Variants in C4orf51 observed in about 807,000 individuals in gnomAD.
C4orf51 encodes chromosome 4 open reading frame 51, also known as uncharacterized protein C4orf51.
C4orf51 carries 25 observed loss-of-function variants against 25.2 expected under a neutral mutation model. The observed-to-expected ratio is 0.99, with a 90% CI of 0.72 to 1.39. The LOEUF is 1.39. Ranked by LOEUF, C4orf51 falls within the 40% of genes most tolerant of loss-of-function variation. The pLI, the probability that C4orf51 is intolerant of heterozygous loss-of-function variation, is 0.00. For missense variants in C4orf51, 252 were observed against 239.6 expected, an observed-to-expected ratio of 1.05 and a Z score of -0.34; for synonymous variants, 100 against 84.5, an observed-to-expected ratio of 1.18 and a Z score of -1.01.
downstream of C4orf51, among the ~76,000 whole-genome samples, chr4:145,733,537 C>T (rs751577375): frequency 2.0e-5 from 3 of 152,336 alleles, no homozygotes; most frequent in South Asian, 2.1e-4. Flanking sequence ...TCCCCAGCCC[C>T]GCTCTCTGCT....
At chr4:145,681,738 G>C (rs1001583661) in intron 1 of C4orf51, among the ~76,000 whole-genome samples, 5 of 152,174 alleles carry the variant, frequency 3.3e-5, no homozygotes, top group Non-Finnish European at 7.4e-5. Context: ...TTATGATAGA[G>C]AGAGATACCA....
At chr4:145,786,109 T>G in the C4orf51 span, among the ~76,000 whole-genome samples, 3 of 152,210 alleles carry the variant, frequency 2.0e-5, no homozygotes, top group Non-Finnish European at 4.4e-5. Flanking sequence ...GGGGAGCATT[T>G]TTGGTAAAAT....
intron 2 of C4orf51, among the ~76,000 whole-genome samples, chr4:145,722,011 C>T (rs1037668931): frequency 2.0e-5 from 3 of 151,980 alleles, no homozygotes; most frequent in Admixed American, 6.6e-5. Flanking sequence ...TGGTTTTAGC[C>T]GTTTACAAAA....
At chr4:145,689,561 T>G (rs1373898804) in intron 1 of C4orf51, among the ~76,000 whole-genome samples, 1 of 152,002 alleles carries the variant, frequency 6.6e-6, no homozygotes, top group Non-Finnish European at 1.5e-5. Flanking sequence ...ATACCAAAGG[T>G]GCTCAACCAC....
chr4:145,738,765 G>A (rs1047706634), intron 1 of C4orf51, among the ~76,000 whole-genome samples: 56 of 151,926 alleles, frequency 3.7e-4, no homozygotes, highest in African/African-American at 1.3e-3. Flanking sequence ...TCAGCCTCCC[G>A]AGTAGCTGGA....
chr4:145,749,565 G>A (rs1579033406), intron 1 of C4orf51, among the ~76,000 whole-genome samples: 2 of 151,524 alleles, frequency 1.3e-5, no homozygotes, highest in African/African-American at 2.4e-5. Flanking sequence ...TTTATTTTTT[G>A]TGTATCTGTT....
At chr4:145,700,918 C>G (rs909814845) in intron 2 of C4orf51, among the ~76,000 whole-genome samples, 7 of 152,156 alleles carry the variant, frequency 4.6e-5, no homozygotes, top group African/African-American at 1.7e-4. Context: ...CCCTCCCCCA[C>G]CTGCCCAGCA....
intron 2 of C4orf51, among the ~76,000 whole-genome samples, chr4:145,699,662 C>T (rs1730300305): frequency 6.6e-6 from 1 of 152,236 alleles, no homozygotes; most frequent in African/African-American, 2.4e-5. Flanking sequence ...CTCTGATTAT[C>T]TACCCACGTT....
intron 2 of C4orf51, among the ~76,000 whole-genome samples, chr4:145,708,978 T>G (rs1394581705): frequency 6.6e-6 from 1 of 152,216 alleles, no homozygotes; most frequent in African/African-American, 2.4e-5. Context: ...TGATGCATGT[T>G]GAGAAGGGCA....
chr4:145,728,643 A>G (rs1261512398), intron 3 of C4orf51, among the ~76,000 whole-genome samples: 1 of 152,230 alleles, frequency 6.6e-6, no homozygotes, highest in African/African-American at 2.4e-5. Flanking sequence ...GACACTTAAT[A>G]TATGAACTCA....
At chr4:145,736,923 T>A (rs1732834468), downstream of C4orf51, among the ~76,000 whole-genome samples, 1 of 152,158 alleles carries the variant, frequency 6.6e-6, no homozygotes, top group Non-Finnish European at 1.5e-5. Flanking sequence ...GGCAGAATAG[T>A]GGCCTCCCTG....
intron 1 of C4orf51, among the ~76,000 whole-genome samples, chr4:145,749,388 C>T (rs1245090168): frequency 6.6e-6 from 1 of 151,930 alleles, no homozygotes; most frequent in Non-Finnish European, 1.5e-5. Context: ...AATCGGAAAG[C>T]TTAGTCCATT....
chr4:145,691,673 T>C (rs1032705959), intron 1 of C4orf51, among the ~76,000 whole-genome samples: 2 of 152,184 alleles, frequency 1.3e-5, no homozygotes, highest in African/African-American at 4.8e-5. Flanking sequence ...AGTGAATTAA[T>C]GCAGAAACAG....
Position 145,763,225 on chromosome 4 carries a change from G to A in C4orf51, n.167-7763G>A. 1.7e-6 allele frequency: 2 copies of A among 1,160,734 alleles called. No individual in the cohort carries two copies. The highest frequency in any genetic ancestry group is 4.6e-5 in the Admixed American group (2 of 43,656). 71.9% of individuals were successfully genotyped at this position (1,160,734 alleles called of 1,614,324 possible). A position where few individuals can be genotyped will look rare whatever the true frequency, so the allele number is the denominator to read the frequency against. Reference sequence around the variant, plus strand: ...TCACAGAAAAGCAATTTAGACATCAGCAGTCTGTTTCATTTTAAGGACATT... The same window carrying A: ...TCACAGAAAAGCAATTTAGACATCAACAGTCTGTTTCATTTTAAGGACATT... On this transcript the variant is annotated intron_variant and non_coding_transcript_variant, in intron 1 of 1. Coordinates refer to the C4orf51 transcript ENST00000510096. The surrounding 1 kb of genome is among the most constrained non-coding windows in gnomAD (Gnocchi z 4.6).
chr4:145,765,786 C>T lies in C4orf51; in HGVS notation n.167-5202C>T, dbSNP rs1290644711. On this transcript the variant is annotated intron_variant and non_coding_transcript_variant, in intron 1 of 1. Transcript: ENST00000510096. This position sits in a 1 kb window ranked among gnomAD's most constrained non-coding sequence, Gnocchi z 4.7. ...AGTCTGTTAATGAGATGAAAATCCTCAGAATTATAGCAACTGAGGGTGACG... is the reference window on the plus strand; with the variant it reads ...AGTCTGTTAATGAGATGAAAATCCTTAGAATTATAGCAACTGAGGGTGACG... 2 of 1,578,070 alleles carry T rather than the reference C, an allele frequency of 1.3e-6. No homozygotes were observed. Among genetic ancestry groups the T allele is most frequent in the East Asian group, 2.3e-5 (1 of 44,424 alleles).
At chr4:145,770,951 G>C (rs1177513968) in intron 1 of C4orf51, 2 of 152,202 alleles carry the variant, frequency 1.3e-5, no homozygotes, top group Non-Finnish European at 2.9e-5. Flanking sequence ...CCCAGCAACA[G>C]TGAGTATTAA....
At position 145,729,352 on chromosome 4, in the gene C4orf51, C is replaced by A. The variant is rs529923632; in HGVS notation, c.427+123C>A. The A allele has an allele frequency of 2.5e-3, 1,405 of 560,958 alleles. 8 individuals carry two copies. The highest frequency in any genetic ancestry group is 3.4e-3 in the Non-Finnish European group (1,153 of 338,358). 34.7% of individuals were successfully genotyped at this position (560,958 alleles called of 1,614,324 possible). ...GGAGTCTCACACTCTCCCAGGCTGA[C>A]GTGCAGTGGCGCGATCTCGGCTCAC... On this transcript the variant is annotated intron_variant, in intron 4 of 5. Coordinates refer to ENST00000438731, the MANE Select transcript of C4orf51 (RefSeq NM_001080531.3).
chr4:145,710,432 C>T (rs992848427), intron 2 of C4orf51, among the ~76,000 whole-genome samples: 1 of 152,146 alleles, frequency 6.6e-6, no homozygotes, highest in Non-Finnish European at 1.5e-5. Flanking sequence ...TGATTCTTCC[C>T]TTAGGGTGGG....
chr4:145,763,241 T>G lies in C4orf51; in HGVS notation n.167-7747T>G. 1.9e-6 allele frequency: 2 copies of G among 1,044,850 alleles called. No individual in the cohort carries two copies. Among genetic ancestry groups the G allele is most frequent in the South Asian group, 3.2e-5 (2 of 62,778 alleles). 64.7% of individuals were successfully genotyped at this position (1,044,850 alleles called of 1,614,324 possible). A position where few individuals can be genotyped will look rare whatever the true frequency, so the allele number is the denominator to read the frequency against. ...TAGACATCAGCAGTCTGTTTCATTTTAAGGACATTTCTGTGACCCACAGCT... is the reference window on the plus strand; with the variant it reads ...TAGACATCAGCAGTCTGTTTCATTTGAAGGACATTTCTGTGACCCACAGCT... On this transcript the variant is annotated intron_variant and non_coding_transcript_variant, in intron 1 of 1. Transcript: ENST00000510096. The surrounding 1 kb of genome is among the most constrained non-coding windows in gnomAD (Gnocchi z 4.6).
Sources: allele counts gnomAD v4.1 joint callset (sites outside exome capture counted in the v4.1 genomes callset), GRCh38; gene constraint gnomAD v4.1.1; non-coding constraint Gnocchi (gnomAD v3.1); transcripts MANE v1.5; gene names NCBI Gene and HGNC (gene_info 2026-07-23, HGNC 2026-07-21).